NAA50: variants seen among roughly 807,000 people sequenced by gnomAD.
NAA50 encodes the protein N-alpha-acetyltransferase 50.
Under a neutral mutation model 20.7 loss-of-function variants are expected in NAA50, and 7 were observed. The observed-to-expected ratio is 0.34, with a 90% CI of 0.19 to 0.63. The LOEUF is 0.63. NAA50 is among the 30% of genes least tolerant of loss of function. The pLI, the probability that NAA50 is intolerant of heterozygous loss-of-function variation, is 0.75. For synonymous variants in NAA50, 54 were observed against 70.6 expected (o/e 0.77, Z 1.18); for missense variants, 111 against 199.1 (o/e 0.56, Z 2.66).
intron 1 of NAA50, among the ~76,000 whole-genome samples, chr3:113,742,442 T>G (rs78165074): frequency 6.6e-6 from 1 of 151,056 alleles, no homozygotes; most frequent in Non-Finnish European, 1.5e-5. Context: ...TTTTTTTTTT[T>G]TGAGACAGAG....
intron 1 of NAA50, among the ~76,000 whole-genome samples, chr3:113,732,125 A>G (rs1708280955): frequency 6.6e-6 from 1 of 152,246 alleles, no homozygotes; most frequent in South Asian, 2.1e-4. Context: ...CTTTACATGG[A>G]AGAACAGACT....
At chr3:113,722,189 G>C (rs184767216) in intron 4 of NAA50, among the ~76,000 whole-genome samples, 1 of 152,016 alleles carries the variant, frequency 6.6e-6, no homozygotes, top group Non-Finnish European at 1.5e-5. Context: ...AAAGGGAAAA[G>C]TACCACAGCT....
chr3:113,723,887 T>C (rs1708166872), intron 2 of NAA50, 72 bp downstream of exon 2: 4 of 1,419,488 alleles, frequency 2.8e-6, no homozygotes, highest in Non-Finnish European at 3.7e-6. Context: ...CTTCTTCTGC[T>C]CTATAAAAAA....
Position 113,746,124 on chromosome 3 carries a change from T to A in NAA50, c.-175A>T. 9 of 756,840 alleles carry A rather than the reference T, an allele frequency of 1.2e-5. No homozygotes were observed. Among genetic ancestry groups the A allele is most frequent in the Non-Finnish European group, 1.9e-5 (9 of 484,060 alleles). 46.9% of individuals were successfully genotyped at this position (756,840 alleles called of 1,614,324 possible). A position where few individuals can be genotyped will look rare whatever the true frequency, so the allele number is the denominator to read the frequency against. On this transcript the variant is annotated 5_prime_UTR_variant, in exon 1 of 5. Transcript: ENST00000240922. ...CGAGAGTCGAGTGAGGGCTTGAGTC[T>A]GGTGGGGGCGGGAGTGTCTCCCGCC...
At chr3:113,735,232 AGAGT>A (rs1261602502) in intron 1 of NAA50, among the ~76,000 whole-genome samples, 2 of 152,226 alleles carry the variant, frequency 1.3e-5, no homozygotes, top group Non-Finnish European at 2.9e-5. Context: ...AAAAACCTGG[AGAGT>A]GAGTAGTGTT....
intron 1 of NAA50, among the ~76,000 whole-genome samples, chr3:113,742,770 T>C (rs1708436076): frequency 6.6e-6 from 1 of 152,234 alleles, no homozygotes; most frequent in Non-Finnish European, 1.5e-5. Flanking sequence ...CTACCTACTT[T>C]CCCATCTTAG....
chr3:113,727,572 T>C (rs1348154536), intron 1 of NAA50, among the ~76,000 whole-genome samples: 14 of 151,416 alleles, frequency 9.2e-5, no homozygotes, highest in Admixed American at 9.2e-4. Context: ...GAAAACAATA[T>C]TGAACCATTA....
chr3:113,734,187 T>A (rs1708308799), intron 1 of NAA50, among the ~76,000 whole-genome samples: 1 of 152,104 alleles, frequency 6.6e-6, no homozygotes, highest in Non-Finnish European at 1.5e-5. Context: ...TTATCCTAAG[T>A]AAATTAAAGT....
intron 1 of NAA50, among the ~76,000 whole-genome samples, chr3:113,726,175 A>G (rs2107986132): frequency 6.6e-6 from 1 of 152,344 alleles, no homozygotes; most frequent in Non-Finnish European, 1.5e-5. Flanking sequence ...AACCACACAG[A>G]TTAAATAAAC....
At position 113,721,561 on chromosome 3, in the gene NAA50, GA is replaced by G; in HGVS notation, c.*198del. On this transcript the variant is annotated 3_prime_UTR_variant, in exon 5 of 5. Coordinates refer to ENST00000240922, the MANE Select transcript of NAA50 (RefSeq NM_025146.4). ...TTCAAACCACCTCACAAAAATAAGA[GA>G]AAACAATTCAAACATGATTATTTTT... The G allele has an allele frequency of 1.6e-6, 1 of 627,728 alleles. No individual in the cohort carries two copies. Among genetic ancestry groups the G allele is most frequent in the Non-Finnish European group, 2.7e-6 (1 of 369,074 alleles). The allele number at this position is 627,728 out of a possible 1,614,324, so 38.9% of individuals were successfully genotyped here.
In NAA50 at chr3:113,720,021, T is replaced by C. The variant is rs563760372; in HGVS notation, c.*1739A>G. 1 of 152,456 alleles carries C rather than the reference T, an allele frequency of 6.6e-6. No individual in the cohort carries two copies. The highest frequency in any genetic ancestry group is 2.4e-5 in the African/African-American group (1 of 41,558). The allele number at this position is 152,456 out of a possible 1,614,324, so 9.4% of individuals were successfully genotyped here. On this transcript the variant is annotated 3_prime_UTR_variant, in exon 5 of 5. Transcript: ENST00000240922. Reference sequence around the variant, plus strand: ...CTTTTCTTCTAAGCTTAGATTTGGATTGTTTAAGAAACGAATACCCCCAAA... The same window carrying C: ...CTTTTCTTCTAAGCTTAGATTTGGACTGTTTAAGAAACGAATACCCCCAAA...
Position 113,723,658 on chromosome 3 carries a change from T to C in NAA50, c.146-117A>G, listed in dbSNP as rs975475253. 3 of 1,181,460 alleles carry C rather than the reference T, an allele frequency of 2.5e-6. No homozygotes were observed. In the African/African-American group the frequency reaches 4.6e-5, roughly 18 times the overall value. The allele number at this position is 1,181,460 out of a possible 1,614,324, so 73.2% of individuals were successfully genotyped here. ...ACATTAAATTTCATCAACTATTTCATGAATATCAATGATCTCAAAGCTCTT... is the reference window on the plus strand; with the variant it reads ...ACATTAAATTTCATCAACTATTTCACGAATATCAATGATCTCAAAGCTCTT... On this transcript the variant is annotated intron_variant, in intron 2 of 4. Transcript: ENST00000240922.
rs1319491743 is a variant in NAA50, at chr3:113,718,859, A to G, written c.*2901T>C. The G allele has an allele frequency of 6.6e-6, 1 of 152,636 alleles. No homozygotes were observed. Among genetic ancestry groups the G allele is most frequent in the Non-Finnish European group, 1.5e-5 (1 of 68,042 alleles). The allele number at this position is 152,636 out of a possible 1,614,324, so 9.5% of individuals were successfully genotyped here. ...CCTTAATTACACTTGGCCTATTTTA[A>G]TGATTTTAAAATTAGATCTTAAATG... On this transcript the variant is annotated 3_prime_UTR_variant, in exon 5 of 5. Transcript: ENST00000240922.
rs1708125163 is a variant in NAA50, at chr3:113,720,747, C to T, written c.*1013G>A. ...AAATGCTCAGTGGCCACACTTTTAA[C>T]AGCTGGCATTAGATGACAGTAATTG... On this transcript the variant is annotated 3_prime_UTR_variant, in exon 5 of 5. Coordinates refer to ENST00000240922, the MANE Select transcript of NAA50 (RefSeq NM_025146.4). The T allele has an allele frequency of 1.3e-5, 2 of 152,290 alleles. No individual in the cohort carries two copies. 9.4% of individuals were successfully genotyped at this position (152,290 alleles called of 1,614,324 possible).
At chr3:113,736,248 T>A (rs1020587624) in intron 1 of NAA50, among the ~76,000 whole-genome samples, 1 of 152,094 alleles carries the variant, frequency 6.6e-6, no homozygotes, top group Non-Finnish European at 1.5e-5. Flanking sequence ...TTCATAACAA[T>A]CAAACCCCAA....
At chr3:113,733,074 G>A (rs1027774972) in intron 1 of NAA50, among the ~76,000 whole-genome samples, 11 of 146,460 alleles carry the variant, frequency 7.5e-5, no homozygotes, top group Non-Finnish European at 1.6e-4. Flanking sequence ...GTTTAGCCCT[G>A]AGAATAAACC....
rs966615276 is a variant in NAA50 at position 113,733,628 on chromosome 3, A to G, written c.9-9533T>C. 3.3e-5 allele frequency among the ~76,000 whole-genome samples: 5 copies of G among 151,912 alleles called. No homozygotes were observed. The East Asian group carries it at 5.8e-4, about 18-fold the overall frequency. The stretch of plus-strand genomic sequence containing the variant: ...GCACTTTGGGCGGCTGAGGCAGGTG[A>G]ATCACCTGAGTTAGGGAGTTTAAGA... On this transcript the variant is annotated intron_variant, in intron 1 of 4. Coordinates refer to ENST00000240922, the MANE Select transcript of NAA50 (RefSeq NM_025146.4).
chr3:113,721,710 CTCTTT>C lies in NAA50; in HGVS notation c.*45_*49del, dbSNP rs765852854. 1 of 1,603,788 alleles carries C rather than the reference CTCTTT, an allele frequency of 6.2e-7. No individual in the cohort carries two copies. Among genetic ancestry groups the C allele is most frequent in the South Asian group, 1.1e-5 (1 of 90,426 alleles). On this transcript the variant is annotated 3_prime_UTR_variant, in exon 5 of 5. Transcript: ENST00000240922. ...GGGTGGGGGAGGAATCAATGGGCCT[CTCTTT>C]TATTTGGCGACAAGCAAGTGCAAGA...
intron 2 of NAA50, 55 bp from the exon 3 acceptor site, chr3:113,723,596 T>A: frequency 6.5e-7 from 1 of 1,526,968 alleles, no homozygotes; most frequent in East Asian, 2.3e-5. Context: ...ACACATTTAA[T>A]CTTTTTCCCT....
Sources: gnomAD v4.1 joint callset for allele counts (sites outside exome capture counted in the v4.1 genomes callset) on GRCh38, gnomAD v4.1.1 for gene constraint, MANE v1.5 for transcripts, NCBI Gene and HGNC (gene_info 2026-07-23, HGNC 2026-07-21) for gene names.